CDH6: variants seen among roughly 807,000 people sequenced by gnomAD.
CDH6 encodes cadherin 6.
Under a neutral mutation model 78.0 loss-of-function variants are expected in CDH6, and 31 were observed. The ratio of observed to expected loss-of-function variants is 0.40; its 90% confidence interval spans 0.30 to 0.54. The LOEUF is 0.54. Ranked by LOEUF, CDH6 falls within the 20% of genes least tolerant of loss-of-function variation. The pLI is 0.56. For synonymous variants in CDH6, 376 were observed against 368.8 expected (o/e 1.02, Z -0.23); for missense variants, 724 against 975.9 (o/e 0.74, Z 3.44).
chr5:31,243,632 T>A (rs1741663118), intron 1 of CDH6, among the ~76,000 whole-genome samples: 1 of 152,098 alleles, frequency 6.6e-6, no homozygotes, highest in Non-Finnish European at 1.5e-5. Flanking sequence ...GCTTGACACT[T>A]CCCTCCCTGA....
chr5:31,212,497 AT>A (rs1740735696), intron 1 of CDH6, among the ~76,000 whole-genome samples: 1 of 152,210 alleles, frequency 6.6e-6, no homozygotes, highest in Non-Finnish European at 1.5e-5. Flanking sequence ...GAAATTCAGA[AT>A]TCCTCAGAGC....
chr5:31,275,947 A>G (rs1299824149), intron 2 of CDH6, among the ~76,000 whole-genome samples: 1 of 152,164 alleles, frequency 6.6e-6, no homozygotes, highest in Admixed American at 6.5e-5. Context: ...GACATACGGG[A>G]GGGGTCCTCC....
At chr5:31,275,425 GC>G (rs1271651694) in intron 2 of CDH6, among the ~76,000 whole-genome samples, 1 of 152,072 alleles carries the variant, frequency 6.6e-6, no homozygotes, top group Non-Finnish European at 1.5e-5. Context: ...CCGATGTTTA[GC>G]TCCCGCTTAT....
At chr5:31,242,160 T>A (rs1741620296) in intron 1 of CDH6, among the ~76,000 whole-genome samples, 1 of 152,216 alleles carries the variant, frequency 6.6e-6, no homozygotes, top group African/African-American at 2.4e-5. Context: ...AATTTTCTTT[T>A]GCATCACGAA....
intron 1 of CDH6, among the ~76,000 whole-genome samples, chr5:31,206,056 AC>A (rs756355996): frequency 2.5e-4 from 38 of 152,150 alleles, no homozygotes; most frequent in Non-Finnish European, 5.3e-4. Context: ...ACCCTTGAGA[AC>A]CCACATTGTT....
intron 2 of CDH6, among the ~76,000 whole-genome samples, chr5:31,281,668 T>C (rs1742867280): frequency 6.6e-6 from 1 of 152,226 alleles, no homozygotes; most frequent in Non-Finnish European, 1.5e-5. Flanking sequence ...ATTTGTTTAA[T>C]TGACAAATCC....
At chr5:31,308,674 A>G (rs28536666) in intron 7 of CDH6, among the ~76,000 whole-genome samples, 1 of 152,142 alleles carries the variant, frequency 6.6e-6, no homozygotes, top group Non-Finnish European at 1.5e-5. Flanking sequence ...CAATAAAAGG[A>G]AAAAATACAA....
At chr5:31,196,859 C>A (rs1014244850) in intron 1 of CDH6, among the ~76,000 whole-genome samples, 14 of 152,116 alleles carry the variant, frequency 9.2e-5, no homozygotes, top group Non-Finnish European at 1.8e-4. Context: ...TATTTCTGAT[C>A]TTTTCCAAGA....
chr5:31,305,220 C>T lies in CDH6; in HGVS notation c.1046C>T (p.Ala349Val). ...KKKVYTLKVE[A>V]SNPYVEPRFL... ...AAAGTGTATACCCTTAAAGTGGAAG[C>T]CTCCAATCCTTATGTTGAGCCACGA... The change falls in exon 7 of 12, where the codon GCC becomes GTC. Residue 349 changes from alanine (A) to valine (V), a missense_variant. Physicochemically the swap from Ala to Val is moderately conservative, Grantham distance 64. Transcript: ENST00000265071. 6.2e-7 allele frequency: 1 copy of T among 1,613,926 alleles called. No homozygotes were observed. Among genetic ancestry groups the T allele is most frequent in the Non-Finnish European group, 8.5e-7 (1 of 1,179,910 alleles).
chr5:31,263,370 C>T (rs1405657805), intron 1 of CDH6, among the ~76,000 whole-genome samples: 2 of 151,442 alleles, frequency 1.3e-5, no homozygotes, highest in Non-Finnish European at 2.9e-5. Flanking sequence ...GCGCCTCCTG[C>T]CTCAGCCTCC....
At chr5:31,289,577 A>AT (rs1743100784) in intron 2 of CDH6, among the ~76,000 whole-genome samples, 1 of 152,178 alleles carries the variant, frequency 6.6e-6, no homozygotes, top group Admixed American at 6.5e-5. Flanking sequence ...GATTGAATTA[A>AT]TTTACCTTCC....
chr5:31,257,784 G>T (rs1055246789), intron 1 of CDH6, among the ~76,000 whole-genome samples: 1 of 151,884 alleles, frequency 6.6e-6, no homozygotes, highest in Non-Finnish European at 1.5e-5. Flanking sequence ...AATTTGTGGG[G>T]GATTTAAAAA....
At position 31,297,284 on chromosome 5, in the gene CDH6, T is replaced by C; in HGVS notation, c.524-5T>C. ...TGTTTTCAGTTTATATTTCTGTCATTACAGGTACATTTGTTGTCCAAGTCA... is the reference window on the plus strand; with the variant it reads ...TGTTTTCAGTTTATATTTCTGTCATCACAGGTACATTTGTTGTCCAAGTCA... On this transcript the variant is annotated splice_region_variant and splice_polypyrimidine_tract_variant and intron_variant, in intron 3 of 11. Coordinates refer to ENST00000265071, the MANE Select transcript of CDH6 (RefSeq NM_004932.4). 1 of 1,610,552 alleles carries C rather than the reference T, an allele frequency of 6.2e-7. No individual in the cohort carries two copies. Among genetic ancestry groups the C allele is most frequent in the Non-Finnish European group, 8.5e-7 (1 of 1,177,054 alleles).
intron 11 of CDH6, among the ~76,000 whole-genome samples, chr5:31,320,871 C>G (rs1478422512): frequency 6.6e-6 from 1 of 151,728 alleles, no homozygotes; most frequent in Non-Finnish European, 1.5e-5. Context: ...CCCAGCTACT[C>G]AGGAGGCTGA....
chr5:31,213,254 C>A (rs529774648), intron 1 of CDH6, among the ~76,000 whole-genome samples: 3 of 152,206 alleles, frequency 2.0e-5, no homozygotes, highest in South Asian at 2.1e-4. Flanking sequence ...TGCAATCCAC[C>A]CATCAGAAAA....
intron 1 of CDH6, among the ~76,000 whole-genome samples, chr5:31,228,605 G>T (rs1741229559): frequency 6.6e-6 from 1 of 152,170 alleles, no homozygotes; most frequent in East Asian, 1.9e-4. Context: ...GATGTGGTGG[G>T]GTGAGCAGAG....
chr5:31,245,114 C>T (rs925359967), intron 1 of CDH6, among the ~76,000 whole-genome samples: 2 of 152,176 alleles, frequency 1.3e-5, no homozygotes, highest in African/African-American at 2.4e-5. Flanking sequence ...TAGCAGGAAG[C>T]AAGTCCCAGT....
At chr5:31,267,092 C>T (rs1331008125) in intron 1 of CDH6, among the ~76,000 whole-genome samples, 2 of 152,144 alleles carry the variant, frequency 1.3e-5, no homozygotes, top group African/African-American at 4.8e-5. Context: ...GCACATTGAC[C>T]TATGGCAACA....
chr5:31,284,616 G>A (rs1742965320), intron 2 of CDH6, among the ~76,000 whole-genome samples: 1 of 152,220 alleles, frequency 6.6e-6, no homozygotes, highest in Non-Finnish European at 1.5e-5. Context: ...CCTGTAGCTA[G>A]GACTACATGT....
Sources: gnomAD v4.1 joint callset for allele counts (sites outside exome capture counted in the v4.1 genomes callset) on GRCh38, gnomAD v4.1.1 for gene constraint, MANE v1.5 for transcripts, NCBI Gene and HGNC (gene_info 2026-07-23, HGNC 2026-07-21) for gene names.